The following BRAF variants were observed in gnomAD, a reference collection of about 807,000 sequenced individuals.
BRAF encodes the protein B-Raf proto-oncogene, serine/threonine kinase, also known as serine/threonine-protein kinase B-raf.
Under a neutral mutation model 104.6 loss-of-function variants are expected in BRAF, and 16 were observed. The observed-to-expected ratio is 0.15, with a 90% CI of 0.10 to 0.23. The LOEUF is 0.23. BRAF is among the 10% of genes least tolerant of loss of function. The probability of loss-of-function intolerance (pLI) is 1.00; values close to 1 mark genes in which losing one functional copy is unlikely to be tolerated. For missense variants in BRAF, 541 were observed against 937.3 expected (o/e 0.58, Z 5.52); for synonymous variants, 310 against 341.6 (o/e 0.91, Z 1.02).
At chr7:140,829,692 T>C (rs1457069327) in intron 3 of BRAF, among the ~76,000 whole-genome samples, 2 of 152,156 alleles carry the variant, frequency 1.3e-5, no homozygotes, top group East Asian at 3.8e-4. Flanking sequence ...ACGATCCAGT[T>C]TTCATTCTCC....
chr7:140,772,535 G>A (rs2129015553), intron 14 of BRAF, among the ~76,000 whole-genome samples: 1 of 152,034 alleles, frequency 6.6e-6, no homozygotes, highest in South Asian at 2.1e-4. Flanking sequence ...GAGGTGGGAG[G>A]ATCACTTGAG....
At position 140,869,841 on chromosome 7, in the gene BRAF, AAAAC is replaced by A. The variant is rs1352187003; in HGVS notation, c.139-19633_139-19630del. ...AAAGATTATAAAATTATTCTGCACTAAAACAAAATTCAAGTATATATAATCAAGT... is the reference window on the plus strand; with the variant it reads ...AAAGATTATAAAATTATTCTGCACTAAAAATTCAAGTATATATAATCAAGT... On this transcript the variant is annotated intron_variant, in intron 1 of 19. Coordinates refer to ENST00000644969, the MANE Select transcript of BRAF (RefSeq NM_001374258.1). 2.6e-5 allele frequency among the ~76,000 whole-genome samples: 4 copies of A among 152,228 alleles called. No homozygotes were observed. The South Asian group carries it at 6.2e-4, about 24-fold the overall frequency.
intron 2 of BRAF, among the ~76,000 whole-genome samples, chr7:140,848,662 T>C (rs538752033): frequency 1.3e-5 from 2 of 152,350 alleles, no homozygotes; most frequent in East Asian, 3.9e-4. Context: ...TTCTGATTAA[T>C]AAAAAATTGC....
At chr7:140,731,627 T>TA (rs1795971113) in intron 19 of BRAF, 2 of 152,336 alleles carry the variant, frequency 1.3e-5, no homozygotes, top group Middle Eastern at 3.4e-3. Context: ...ACTATTGGTT[T>TA]AACTATTAGA....
chr7:140,845,658 G>A (rs1467546636), intron 2 of BRAF, among the ~76,000 whole-genome samples: 4 of 151,932 alleles, frequency 2.6e-5, no homozygotes, highest in African/African-American at 4.8e-5. Context: ...ACGCACATGA[G>A]GCTATGTTTT....
intron 17 of BRAF, chr7:140,740,197 C>T (rs369856358): frequency 5.1e-5 from 24 of 466,934 alleles, no homozygotes; most frequent in Middle Eastern, 6.4e-4. Context: ...TGCTTTTGGT[C>T]TCTCTTTATC....
At chr7:140,716,819 T>C (rs1342745253), downstream of BRAF, among the ~76,000 whole-genome samples, 1 of 152,200 alleles carries the variant, frequency 6.6e-6, no homozygotes, top group Admixed American at 6.5e-5. Context: ...ATGCATGTTA[T>C]AGGAAGATAC....
intron 17 of BRAF, chr7:140,740,513 T>C (rs1361643035): frequency 1.3e-5 from 2 of 152,270 alleles, no homozygotes; most frequent in Admixed American, 6.5e-5. Context: ...ATAAAAAGGC[T>C]TGTCTTCCCT....
At chr7:140,923,194 C>CA (rs149310780) in intron 1 of BRAF, among the ~76,000 whole-genome samples, 26,958 of 146,978 alleles carry the variant, frequency 0.18, 4,300 homozygotes, top group African/African-American at 0.44. Context: ...GATGATGATG[C>CA]AAAAAAAAAA....
chr7:140,832,068 T>C (rs902813938), intron 3 of BRAF, among the ~76,000 whole-genome samples: 4 of 152,244 alleles, frequency 2.6e-5, no homozygotes, highest in African/African-American at 9.6e-5. Flanking sequence ...TCTTAAAAAT[T>C]TCTAGTTCTC....
At chr7:140,751,788 G>C (rs1797813004) in intron 16 of BRAF, among the ~76,000 whole-genome samples, 1 of 152,100 alleles carries the variant, frequency 6.6e-6, no homozygotes, top group South Asian at 2.1e-4. Context: ...GTCCTATCTT[G>C]GACTTCCCTT....
At chr7:140,730,637 T>A (rs1403739896) in intron 19 of BRAF, 28 bp downstream of exon 18, 1 of 151,824 alleles carries the variant, frequency 6.6e-6, no homozygotes, top group Non-Finnish European at 1.5e-5. Flanking sequence ...GTGCTGGGAT[T>A]ACAGGTGTGA....
chr7:140,725,624 T>C lies in BRAF; in HGVS notation c.*870A>G. ...TTGTGCCCTGGACAAAGTAGCCGCA[T>C]AAGTAGTTGGTGACTGGAAGAGCAT... On this transcript the variant is annotated 3_prime_UTR_variant, in exon 20 of 20. Coordinates refer to ENST00000644969, the MANE Select transcript of BRAF (RefSeq NM_001374258.1). 9.5e-7 allele frequency: 1 copy of C among 1,057,850 alleles called. No individual in the cohort carries two copies. The allele number at this position is 1,057,850 out of a possible 1,614,324, so 65.5% of individuals were successfully genotyped here.
downstream of BRAF, among the ~76,000 whole-genome samples, chr7:140,716,243 T>TG (rs540416089): frequency 3.8e-3 from 574 of 152,340 alleles, 3 homozygotes; most frequent in Non-Finnish European, 6.4e-3. Context: ...CTCAGGCTGT[T>TG]GGAGTCAGAC....
intron 1 of BRAF, among the ~76,000 whole-genome samples, chr7:140,916,500 A>G (rs1817648955): frequency 6.6e-6 from 1 of 152,224 alleles, no homozygotes; most frequent in African/African-American, 2.4e-5. Context: ...ATCTTTCACA[A>G]CCTAATTGAC....
intron 3 of BRAF, among the ~76,000 whole-genome samples, chr7:140,816,106 GT>G (rs1413671938): frequency 6.6e-6 from 1 of 152,148 alleles, no homozygotes; most frequent in African/African-American, 2.4e-5. Flanking sequence ...TTCCATAGCT[GT>G]TTTATTGAAA....
chr7:140,786,497 A>G lies in BRAF; in HGVS notation c.1178-689T>C, dbSNP rs1364792942. Among the ~76,000 whole-genome samples, 6 of 152,200 alleles carry G rather than the reference A, an allele frequency of 3.9e-5. No individual in the cohort carries two copies. In the East Asian group the frequency reaches 1.2e-3, roughly 29 times the overall value. On this transcript the variant is annotated intron_variant, in intron 9 of 19. Transcript: ENST00000644969. The stretch of plus-strand genomic sequence containing the variant: ...GAAGAACACTTCAAGACAGTCTCAA[A>G]TATCACCTCTTATAAAACATTATAT...
chr7:140,918,921 C>T (rs576352017), intron 1 of BRAF, among the ~76,000 whole-genome samples: 4 of 152,186 alleles, frequency 2.6e-5, no homozygotes, highest in African/African-American at 7.2e-5. Context: ...GGGCAGATCA[C>T]GAGGTCAGGA....
Position 140,868,974 on chromosome 7 carries a change from G to A in BRAF, c.139-18762C>T, listed in dbSNP as rs143897370. ...AATAGGATTTGCTGGTAAATTGGAT[G>A]TGAGGTATGATAAAAGGGAGTCATC... On this transcript the variant is annotated intron_variant, in intron 1 of 19. Coordinates refer to ENST00000644969, the MANE Select transcript of BRAF (RefSeq NM_001374258.1). Among the ~76,000 whole-genome samples the A allele has an allele frequency of 2.6e-5, 4 of 152,294 alleles. No homozygotes were observed. The East Asian group carries it at 5.8e-4, about 22-fold the overall frequency.
Sources: gnomAD v4.1 joint callset for allele counts (sites outside exome capture counted in the v4.1 genomes callset) on GRCh38, gnomAD v4.1.1 for gene constraint, MANE v1.5 for transcripts, NCBI Gene and HGNC (gene_info 2026-07-23, HGNC 2026-07-21) for gene names.